The following CAMTA1 variants were observed in gnomAD, a reference collection of about 807,000 sequenced individuals.
CAMTA1 encodes the protein calmodulin binding transcription activator 1, also known as calmodulin-binding transcription activator 1.
Under a neutral mutation model 170.9 loss-of-function variants are expected in CAMTA1, and 27 were observed. The ratio of observed to expected loss-of-function variants is 0.16; its 90% confidence interval spans 0.12 to 0.22. The LOEUF (loss-of-function observed/expected upper bound fraction) is 0.22, where lower values mean the gene tolerates loss of function less well. Ranked by LOEUF, CAMTA1 falls within the 10% of genes least tolerant of loss-of-function variation. The pLI is 1.00. For synonymous variants in CAMTA1, 833 were observed against 891.5 expected (o/e 0.93, Z 1.17); for missense variants, 1,619 against 2,217.2 (o/e 0.73, Z 5.42).
chr1:6,832,553 C>T (rs1031381598), intron 3 of CAMTA1, among the ~76,000 whole-genome samples: 1 of 151,966 alleles, frequency 6.6e-6, no homozygotes, highest in African/African-American at 2.4e-5. Flanking sequence ...GAAATATAGA[C>T]ACACATTTTG....
At position 7,309,286 on chromosome 1, in the gene CAMTA1, A is replaced by AT. The variant is rs1557486806; in HGVS notation, c.438+59660_438+59661insT. On this transcript the variant is annotated intron_variant, in intron 5 of 22. Coordinates refer to ENST00000303635, the MANE Select transcript of CAMTA1 (RefSeq NM_015215.4). ...TGTCTTTTCATTATTGCAGTTAGAA[A>AT]ATTTTTTTTTTTTTTTTTTTTTTTT... Among the ~76,000 whole-genome samples, 572 of 142,928 alleles carry AT rather than the reference A, an allele frequency of 4.0e-3. 12 individuals are homozygous for AT. The highest frequency in any genetic ancestry group is 0.014 in the African/African-American group (530 of 38,520). The allele number at this position is 142,928 out of a possible 152,430, so 93.8% of individuals were successfully genotyped here.
chr1:6,858,487 G>GGT (rs1477156474), intron 3 of CAMTA1, among the ~76,000 whole-genome samples: 3 of 30,200 alleles, frequency 9.9e-5, no homozygotes, highest in Non-Finnish European at 1.5e-4. Context: ...TGTGTGTGTT[G>GGT]GGGGGGGGGT....
chr1:7,027,964 G>GTGCAATCTTGGCTCAC (rs1262112531), intron 3 of CAMTA1, among the ~76,000 whole-genome samples: 1 of 151,308 alleles, frequency 6.6e-6, no homozygotes, highest in Non-Finnish European at 1.5e-5. Flanking sequence ...GAGTGCAATG[G>GTGCAATCTTGGCTCAC]TGCAATCTTG....
intron 5 of CAMTA1, among the ~76,000 whole-genome samples, chr1:7,261,536 A>G (rs554769562): frequency 6.6e-6 from 1 of 152,356 alleles, no homozygotes; most frequent in East Asian, 1.9e-4. Flanking sequence ...GAACCAATTC[A>G]TGCAGAAGCC....
At position 7,293,939 on chromosome 1, in the gene CAMTA1, C is replaced by T. The variant is rs1022972252; in HGVS notation, c.438+44313C>T. 1.3e-5 allele frequency among the ~76,000 whole-genome samples: 2 copies of T among 152,216 alleles called. No individual in the cohort carries two copies. The highest frequency in any genetic ancestry group is 2.1e-4 in the South Asian group (1 of 4,832). On this transcript the variant is annotated intron_variant, in intron 5 of 22. Transcript: ENST00000303635. The surrounding 1 kb of genome is among the most constrained non-coding windows in gnomAD (Gnocchi z 4.1). ...TTTTTCTGCTTCGTGCTAGCAGCCT[C>T]GCACTTCCCACCTGTTAAAGCTTGC...
chr1:7,195,353 G>A lies in CAMTA1; in HGVS notation c.303-54138G>A, dbSNP rs1655324859. Among the ~76,000 whole-genome samples, 1 of 152,144 alleles carries A rather than the reference G, an allele frequency of 6.6e-6. No individual in the cohort carries two copies. Among genetic ancestry groups the A allele is most frequent in the African/African-American group, 2.4e-5 (1 of 41,434 alleles). ...CACAGATTTTCGGAGTCCAAGTGTT[G>A]CTATACACATTCTCTGCTTGTCTTG... is the stretch of plus-strand genomic sequence containing the variant. On this transcript the variant is annotated intron_variant, in intron 4 of 22. Transcript: ENST00000303635. The surrounding 1 kb of genome is among the most constrained non-coding windows in gnomAD (Gnocchi z 4.1).
intron 3 of CAMTA1, among the ~76,000 whole-genome samples, chr1:6,979,722 A>G (rs1015843353): frequency 2.6e-5 from 4 of 152,160 alleles, no homozygotes; most frequent in African/African-American, 4.8e-5. Context: ...AAAATCATGA[A>G]GCTGAGCTGG....
chr1:7,678,095 C>A (rs1216133864), intron 11 of CAMTA1, among the ~76,000 whole-genome samples: 1 of 152,232 alleles, frequency 6.6e-6, no homozygotes, highest in East Asian at 1.9e-4. Flanking sequence ...CAAGCACCCG[C>A]TGTGCCCCTC....
rs142785106 is a variant in CAMTA1, at chr1:7,584,427, G to A, written c.511-55973G>A. ...TGGAGGGTGGTCAGATACTAAGGTG[G>A]GGGTTTCTGCTAAGCTGACGGCAGG... On this transcript the variant is annotated intron_variant, in intron 6 of 22. Transcript: ENST00000303635. 2.0e-3 allele frequency among the ~76,000 whole-genome samples: 309 copies of A among 152,230 alleles called. 1 individual carries two copies. The highest frequency in any genetic ancestry group is 7.2e-3 in the African/African-American group (298 of 41,562).
intron 5 of CAMTA1, among the ~76,000 whole-genome samples, chr1:7,256,515 G>A (rs941126914): frequency 2.0e-5 from 3 of 152,298 alleles, no homozygotes; most frequent in East Asian, 1.9e-4. Flanking sequence ...AGCTGAGATC[G>A]CGCCACTGCA....
chr1:7,563,732 G>A (rs72643928), intron 6 of CAMTA1, among the ~76,000 whole-genome samples: 5,861 of 152,340 alleles, frequency 0.038, 155 homozygotes, highest in East Asian at 0.067. Context: ...GGGAAACTGA[G>A]TCCTGGAGAG....
chr1:6,844,553 G>T (rs553413955), intron 3 of CAMTA1, among the ~76,000 whole-genome samples: 47 of 151,454 alleles, frequency 3.1e-4, no homozygotes, highest in African/African-American at 1.1e-3. Context: ...CAGCATAGAG[G>T]TGCGTGCCTG....
At chr1:7,196,767 T>C (rs1235842908) in intron 4 of CAMTA1, among the ~76,000 whole-genome samples, 3 of 152,212 alleles carry the variant, frequency 2.0e-5, no homozygotes, top group African/African-American at 7.2e-5. Context: ...CTCTCATGTC[T>C]AGGAGTAAGA....
chr1:7,665,762 C>G lies in CAMTA1; in HGVS notation c.2652+563C>G, dbSNP rs2095995807. 6.6e-6 allele frequency among the ~76,000 whole-genome samples: 1 copy of G among 152,176 alleles called. No homozygotes were observed. The highest frequency in any genetic ancestry group is 2.1e-4 in the South Asian group (1 of 4,820). ...GGTATCCTTGGAAGCAAAATGCTCCCCCAGCTCCAGCCAGAGTCGTCTGCC... is the reference window on the plus strand; with the variant it reads ...GGTATCCTTGGAAGCAAAATGCTCCGCCAGCTCCAGCCAGAGTCGTCTGCC... On this transcript the variant is annotated intron_variant, in intron 9 of 22. Transcript: ENST00000303635. This position sits in a 1 kb window ranked among gnomAD's most constrained non-coding sequence, Gnocchi z 4.3.
At chr1:7,520,213 C>T (rs2094342995) in intron 6 of CAMTA1, among the ~76,000 whole-genome samples, 2 of 246 alleles carry the variant, frequency 8.1e-3, no homozygotes, top group Non-Finnish European at 0.017. Context: ...TCCTCCTCCT[C>T]CTCCTCCTCC....
intron 6 of CAMTA1, among the ~76,000 whole-genome samples, chr1:7,604,583 A>C (rs1251757658): frequency 6.6e-6 from 1 of 152,008 alleles, no homozygotes; most frequent in Non-Finnish European, 1.5e-5. Context: ...CCATTCATCT[A>C]ATTTTTTTTC....
At chr1:6,984,400 G>A (rs1695018508) in intron 3 of CAMTA1, among the ~76,000 whole-genome samples, 1 of 152,094 alleles carries the variant, frequency 6.6e-6, no homozygotes, top group African/African-American at 2.4e-5. Context: ...ATCACTTGGG[G>A]TTAGGAGTTT....
At chr1:6,874,481 T>C (rs1571238814) in intron 3 of CAMTA1, 3 of 152,390 alleles carry the variant, frequency 2.0e-5, no homozygotes, top group Middle Eastern at 6.8e-3. Context: ...TGCCATGTAG[T>C]GTGGCTGATC....
At chr1:6,829,774 T>G (rs1252311875) in intron 3 of CAMTA1, among the ~76,000 whole-genome samples, 1 of 152,226 alleles carries the variant, frequency 6.6e-6, no homozygotes, top group African/African-American at 2.4e-5. Flanking sequence ...CCATAATCCC[T>G]CATTTTGTCC....
Sources: gnomAD v4.1 joint callset for allele counts (sites outside exome capture counted in the v4.1 genomes callset) on GRCh38, gnomAD v4.1.1 for gene constraint, Gnocchi (gnomAD v3.1) non-coding constraint, MANE v1.5 for transcripts, NCBI Gene and HGNC (gene_info 2026-07-23, HGNC 2026-07-21) for gene names.